TBX15: variants seen among roughly 807,000 people sequenced by gnomAD.
TBX15 encodes the protein T-box transcription factor TBX15.
In TBX15, 18 loss-of-function variants were observed where a neutral mutation model predicts 53.9. The ratio of observed to expected loss-of-function variants is 0.33; its 90% CI spans 0.23 to 0.49. The LOEUF is 0.49. Among genes scored for constraint, TBX15 ranks in the 20% least tolerant of loss-of-function variants. The pLI is 0.98. For synonymous variants in TBX15, 295 were observed against 278.0 expected (o/e 1.06, Z -0.61); for missense variants, 692 against 749.5 (o/e 0.92, Z 0.90).
chr1:118,919,097 A>G (rs905080906), intron 5 of TBX15, among the ~76,000 whole-genome samples: 3 of 152,180 alleles, frequency 2.0e-5, no homozygotes, highest in Non-Finnish European at 2.9e-5. Context: ...GTGGTTTCCA[A>G]CTTCCTATCT....
At chr1:118,887,605 G>T (rs1653988614) in intron 7 of TBX15, among the ~76,000 whole-genome samples, 1 of 151,910 alleles carries the variant, frequency 6.6e-6, no homozygotes, top group African/African-American at 2.4e-5. Context: ...AGCCCAGGAG[G>T]CGGAGGCTGC....
chr1:118,886,419 C>G (rs1345358303), intron 7 of TBX15, among the ~76,000 whole-genome samples: 1 of 152,146 alleles, frequency 6.6e-6, no homozygotes, highest in East Asian at 1.9e-4. Flanking sequence ...TTACCCTCTG[C>G]AGGTTACAGT....
intron 1 of TBX15, among the ~76,000 whole-genome samples, chr1:118,946,736 A>G (rs1000123904): frequency 1.3e-5 from 2 of 152,134 alleles, no homozygotes; most frequent in African/African-American, 4.8e-5. Flanking sequence ...CCTATTTTCC[A>G]TTGATCTTTA....
chr1:118,929,179 G>T (rs1655699994), intron 2 of TBX15, among the ~76,000 whole-genome samples: 1 of 152,162 alleles, frequency 6.6e-6, no homozygotes, highest in South Asian at 2.1e-4. Context: ...AGGTTGGGTT[G>T]GTACACTCAA....
At chr1:118,968,418 G>C (rs1406789839) in intron 1 of TBX15, among the ~76,000 whole-genome samples, 1 of 152,110 alleles carries the variant, frequency 6.6e-6, no homozygotes, top group Non-Finnish European at 1.5e-5. Flanking sequence ...TGTTGGCCAA[G>C]CTGGTCTCAA....
chr1:118,970,465 G>A (rs1212112867), intron 1 of TBX15, among the ~76,000 whole-genome samples: 1 of 152,196 alleles, frequency 6.6e-6, no homozygotes, highest in Non-Finnish European at 1.5e-5. Context: ...CTGGGTTAAA[G>A]AGAAACCGTC....
chr1:118,898,459 C>T (rs1441278216), intron 7 of TBX15, among the ~76,000 whole-genome samples: 3 of 152,210 alleles, frequency 2.0e-5, no homozygotes. Flanking sequence ...GGATAAAAAG[C>T]ACAAAGTTCA....
chr1:118,899,068 T>C lies in TBX15; in HGVS notation c.984A>G (p.Thr328=). The C allele has an allele frequency of 6.2e-7, 1 of 1,613,582 alleles. No individual in the cohort carries two copies. The highest frequency in any genetic ancestry group is 1.7e-5 in the Admixed American group (1 of 59,940). Residue 328 remains threonine, a synonymous_variant, in exon 7 of 8, where the codon ACA becomes ACG. Coordinates refer to ENST00000369429, the MANE Select transcript of TBX15 (RefSeq NM_001330677.2). ...TGGTGGTGAAGTCTTCGAAGGTGAG[T>C]GTGCGCACAGGAGGTCTCCAGAATG... is the stretch of plus-strand genomic sequence containing the variant. ...TYAFWRPPVR[T]LTFEDFTTMQ...
intron 6 of TBX15, among the ~76,000 whole-genome samples, chr1:118,906,973 A>G (rs1654854887): frequency 6.6e-6 from 1 of 152,214 alleles, no homozygotes; most frequent in African/African-American, 2.4e-5. Flanking sequence ...TGTGATACAG[A>G]GCCTGCCACT....
intron 3 of TBX15, 135 bp from the exon 4 acceptor site, chr1:118,924,952 A>G (rs1655545471): frequency 1.1e-6 from 1 of 936,682 alleles, no homozygotes; most frequent in Non-Finnish European, 1.7e-6. Context: ...TGGGAAAGAA[A>G]CAGAGACTCA....
At chr1:118,947,949 A>G (rs1263041560) in intron 1 of TBX15, among the ~76,000 whole-genome samples, 1 of 152,140 alleles carries the variant, frequency 6.6e-6, no homozygotes, top group Non-Finnish European at 1.5e-5. Flanking sequence ...AAAATGACCT[A>G]CCCAGCATCT....
At chr1:118,946,850 T>C (rs1656361129) in intron 1 of TBX15, among the ~76,000 whole-genome samples, 3 of 152,224 alleles carry the variant, frequency 2.0e-5, no homozygotes, top group Admixed American at 6.5e-5. Flanking sequence ...TTTGAGTGAA[T>C]GAAAACGTGG....
rs1157118694 is a variant in TBX15 at position 118,885,435 on chromosome 1, G to T, written c.1106C>A (p.Ser369Tyr). The T allele has an allele frequency of 4.3e-6, 7 of 1,612,762 alleles. No individual in the cohort carries two copies. Among genetic ancestry groups the T allele is most frequent in the Non-Finnish European group, 5.9e-6 (7 of 1,179,352 alleles). Residue 369 changes from serine to tyrosine, a missense_variant, in exon 8 of 8, where the codon TCC (serine) becomes TAC (tyrosine). Transcript: ENST00000369429. Reference protein sequence around the residue: ...PSASSHLLSPSCSPPTFHLAP... With the variant: ...PSASSHLLSPYCSPPTFHLAP... ...CAGATGAAAAGTTGGAGGAGAACAG[G>T]ATGGAGATAAAAGATGAGAAGAAGC...
intron 5 of TBX15, among the ~76,000 whole-genome samples, chr1:118,915,369 T>G (rs1173303011): frequency 6.6e-6 from 1 of 152,214 alleles, no homozygotes; most frequent in Non-Finnish European, 1.5e-5. Context: ...GAGTGGAATT[T>G]CCCAAGACCG....
chr1:118,933,317 T>A (rs772127634), intron 1 of TBX15, among the ~76,000 whole-genome samples: 13 of 152,114 alleles, frequency 8.5e-5, no homozygotes, highest in Non-Finnish European at 1.9e-4. Context: ...ACCTGTCACT[T>A]GTGAAGATAT....
chr1:118,963,468 C>T (rs1656943327), intron 1 of TBX15, among the ~76,000 whole-genome samples: 1 of 152,204 alleles, frequency 6.6e-6, no homozygotes, highest in Admixed American at 6.5e-5. Context: ...TCCTGAGCAT[C>T]AGAATACATA....
intron 6 of TBX15, among the ~76,000 whole-genome samples, chr1:118,903,341 AC>A (rs1376623681): frequency 2.0e-5 from 3 of 152,170 alleles, no homozygotes; most frequent in African/African-American, 4.8e-5. Flanking sequence ...ACAGAAAAAA[AC>A]ATCCTTGCAA....
chr1:118,926,874 TTGTGTGTG>T (rs34081549), intron 2 of TBX15, among the ~76,000 whole-genome samples: 6 of 148,878 alleles, frequency 4.0e-5, no homozygotes, highest in Non-Finnish European at 4.5e-5. Context: ...CCCAGCTAAT[TTGTGTGTG>T]TGTGTGTGTG....
intron 5 of TBX15, 58 bp from the exon 6 acceptor site, chr1:118,914,237 A>G (rs1655115448): frequency 6.8e-7 from 1 of 1,478,992 alleles, no homozygotes; most frequent in Admixed American, 1.7e-5. Context: ...CTTTCTTAGT[A>G]CTCCTAGAAA....
Sources: gnomAD v4.1 joint callset for allele counts (sites outside exome capture counted in the v4.1 genomes callset) on GRCh38, gnomAD v4.1.1 for gene constraint, MANE v1.5 for transcripts, NCBI Gene and HGNC (gene_info 2026-07-23, HGNC 2026-07-21) for gene names.